Variants in NDST1 observed in about 807,000 individuals in gnomAD.
NDST1 encodes N-deacetylase and N-sulfotransferase 1.
In NDST1, 35 loss-of-function variants were observed where a neutral mutation model predicts 92.8. The observed-to-expected ratio is 0.38, with a 90% CI of 0.29 to 0.50. NDST1 has a LOEUF of 0.50. Among genes scored for constraint, NDST1 ranks in the 20% least tolerant of loss-of-function variants. The pLI, the probability that NDST1 is intolerant of heterozygous loss-of-function variation, is 0.94. For synonymous variants in NDST1, 493 were observed against 500.3 expected, an observed-to-expected ratio of 0.99 and a Z score of 0.19; for missense variants, 822 against 1,182.7, an observed-to-expected ratio of 0.69 and a Z score of 4.47.
chr5:150,549,638 G>T (rs1009361163), intron 12 of NDST1, 40 bp from the exon 13 acceptor site: 1 of 1,300,358 alleles, frequency 7.7e-7, no homozygotes, highest in Admixed American at 1.7e-5. Context: ...GTTTGCCACC[G>T]AAGTCAAAGC....
chr5:150,556,957 C>A lies in NDST1; in HGVS notation c.*3625C>A, dbSNP rs1214768673. 2 of 152,632 alleles carry A rather than the reference C, an allele frequency of 1.3e-5. No individual in the cohort carries two copies. Among genetic ancestry groups the A allele is most frequent in the Non-Finnish European group, 2.9e-5 (2 of 68,034 alleles). 9.5% of individuals were successfully genotyped at this position (152,632 alleles called of 1,614,324 possible). ...ATGACATTGTTTTTGAGGCCCTAGG[C>A]CTGCTGTCTTTTTGAAGCCCCACAT... On this transcript the variant is annotated 3_prime_UTR_variant, in exon 15 of 15. Transcript: ENST00000261797.
At position 150,521,745 on chromosome 5, in the gene NDST1, T is replaced by C; in HGVS notation, c.491T>C (p.Val164Ala). ...LLDKYCVAYG[V>A]GIIGFFKANE... ...GACAAGTACTGTGTGGCCTACGGCG[T>C]GGGCATCATTGGCTTCTTCAAGGTA... The change falls in exon 2 of 15, where the codon GTG becomes GCG. Residue 164 changes from valine (V) to alanine (A), a missense_variant. Val to Ala is a moderately conservative substitution (Grantham distance 64). Coordinates refer to ENST00000261797, the MANE Select transcript of NDST1 (RefSeq NM_001543.5). This position sits in a 1 kb window ranked among gnomAD's most constrained non-coding sequence, Gnocchi z 5.9. The C allele has an allele frequency of 6.2e-7, 1 of 1,613,730 alleles. No individual in the cohort carries two copies. Among genetic ancestry groups the C allele is most frequent in the Non-Finnish European group, 8.5e-7 (1 of 1,180,020 alleles).
At chr5:150,534,840 G>A (rs1236318529) in intron 4 of NDST1, 27 bp from the exon 5 acceptor site, 6 of 1,614,154 alleles carry the variant, frequency 3.7e-6, no homozygotes, top group African/African-American at 1.3e-5. Flanking sequence ...CCCAGTGGGT[G>A]GTTCTGAGCT....
chr5:150,501,565 G>T (rs151070910), intron 1 of NDST1, among the ~76,000 whole-genome samples: 2 of 152,300 alleles, frequency 1.3e-5, no homozygotes, highest in East Asian at 3.9e-4. Flanking sequence ...TCAGCCTCTA[G>T]CCCCTGGTCT....
intron 5 of NDST1, 64 bp downstream of exon 5, chr5:150,535,085 G>C: frequency 6.4e-7 from 1 of 1,564,568 alleles, no homozygotes; most frequent in South Asian, 1.2e-5. Flanking sequence ...GGTCCAGACT[G>C]CTGGCCTCTT....
intron 2 of NDST1, 64 bp from the exon 3 acceptor site, chr5:150,527,740 C>CTG: frequency 6.2e-7 from 1 of 1,603,516 alleles, no homozygotes; most frequent in Non-Finnish European, 8.5e-7. Flanking sequence ...ATGTGAGAGA[C>CTG]TGTGTCCTTT....
intron 12 of NDST1, among the ~76,000 whole-genome samples, chr5:150,548,968 G>C (rs1269399758): frequency 6.6e-6 from 1 of 152,134 alleles, no homozygotes; most frequent in Non-Finnish European, 1.5e-5. Context: ...AGGAGACTGG[G>C]CGTGGTGATG....
At chr5:150,533,163 GC>G in intron 4 of NDST1, 131 bp downstream of exon 4, 2 of 902,714 alleles carry the variant, frequency 2.2e-6, no homozygotes, top group Non-Finnish European at 3.6e-6. Context: ...TGACCCCTCT[GC>G]CCCCGTGGAG....
At chr5:150,509,379 C>T (rs765813158) in intron 1 of NDST1, among the ~76,000 whole-genome samples, 1 of 152,138 alleles carries the variant, frequency 6.6e-6, no homozygotes, top group Non-Finnish European at 1.5e-5. Flanking sequence ...CTTGGTAGAG[C>T]GCCTGGCACA....
intron 6 of NDST1, among the ~76,000 whole-genome samples, chr5:150,536,568 C>A (rs1031342590): frequency 1.1e-4 from 16 of 145,876 alleles, no homozygotes; most frequent in Non-Finnish European, 1.5e-4. Context: ...CTTTTTTTTT[C>A]TTTCTTTCTT....
chr5:150,527,285 G>A (rs1754516869), intron 2 of NDST1, among the ~76,000 whole-genome samples: 1 of 152,228 alleles, frequency 6.6e-6, no homozygotes, highest in South Asian at 2.1e-4. Context: ...GACTGAATGA[G>A]CAGTTTCTGG....
intron 2 of NDST1, among the ~76,000 whole-genome samples, chr5:150,524,931 A>C (rs1432130363): frequency 1.3e-5 from 2 of 152,240 alleles, no homozygotes; most frequent in Non-Finnish European, 2.9e-5. Context: ...AAGATCTGAC[A>C]GTCAAGCTTG....
intron 1 of NDST1, among the ~76,000 whole-genome samples, chr5:150,502,082 TG>T (rs1238582772): frequency 1.3e-5 from 2 of 152,038 alleles, no homozygotes; most frequent in African/African-American, 4.8e-5. Flanking sequence ...CTCTTGGCCA[TG>T]GGGAGGACTT....
In NDST1 at chr5:150,556,532, A is replaced by G. The variant is rs1451001853; in HGVS notation, c.*3200A>G. ...ACAATGTTTTACCAAACATTTAATT[A>G]TGAATGCCCACTCCCCAGCATCTAG... is the stretch of plus-strand genomic sequence containing the variant. On this transcript the variant is annotated 3_prime_UTR_variant, in exon 15 of 15. Coordinates refer to ENST00000261797, the MANE Select transcript of NDST1 (RefSeq NM_001543.5). 6.6e-6 allele frequency: 1 copy of G among 152,234 alleles called. No individual in the cohort carries two copies. Among genetic ancestry groups the G allele is most frequent in the Non-Finnish European group, 1.5e-5 (1 of 68,044 alleles). 9.4% of individuals were successfully genotyped at this position (152,234 alleles called of 1,614,324 possible).
At position 150,545,424 on chromosome 5, in the gene NDST1, C is replaced by T; in HGVS notation, c.2083C>T (p.Pro695Ser). The T allele has an allele frequency of 1.9e-6, 3 of 1,614,218 alleles. No homozygotes were observed. The highest frequency in any genetic ancestry group is 3.3e-4 in the Middle Eastern group (2 of 6,062). Residue 695 changes from proline to serine, a missense_variant, in exon 11 of 15, where the codon CCC becomes TCC. Physicochemically the swap from Pro to Ser is moderately conservative, Grantham distance 74. Coordinates refer to ENST00000261797, the MANE Select transcript of NDST1 (RefSeq NM_001543.5). ...VAPRRAAALLPKAKVLTILIN... is the reference protein window; with the variant it reads ...VAPRRAAALLSKAKVLTILIN... Reference sequence around the variant, plus strand: ...GCCCCGGCGGGCAGCAGCCCTCTTGCCCAAAGCCAAGGTCCTGACCATCCT... The same window carrying T: ...GCCCCGGCGGGCAGCAGCCCTCTTGTCCAAAGCCAAGGTCCTGACCATCCT...
At chr5:150,535,143 C>T (rs1182686695) in intron 5 of NDST1, 122 bp downstream of exon 5, 6 of 1,432,570 alleles carry the variant, frequency 4.2e-6, no homozygotes, top group Non-Finnish European at 5.7e-6. Flanking sequence ...CACCTCTGGG[C>T]CAGGGCCAAG....
In NDST1 at chr5:150,549,683, G is replaced by A; in HGVS notation, c.2322G>A (p.Leu774=). ...WLSAYHANQI[L]VLDGKLLRTE... Reference sequence around the variant, plus strand: ...TCCCCTTTCTCCCTTTCCAGATTCTGGTCTTGGATGGCAAACTGCTTCGCA... The same window carrying A: ...TCCCCTTTCTCCCTTTCCAGATTCTAGTCTTGGATGGCAAACTGCTTCGCA... Residue 774 remains leucine, a synonymous_variant, in exon 13 of 15, where the codon CTG becomes CTA. Coordinates refer to ENST00000261797, the MANE Select transcript of NDST1 (RefSeq NM_001543.5). 6.2e-7 allele frequency: 1 copy of A among 1,610,850 alleles called. No individual in the cohort carries two copies. Among genetic ancestry groups the A allele is most frequent in the East Asian group, 2.2e-5 (1 of 44,868 alleles).
chr5:150,522,113 G>A (rs1454677437), intron 2 of NDST1, among the ~76,000 whole-genome samples: 9 of 152,174 alleles, frequency 5.9e-5, no homozygotes, highest in Admixed American at 1.3e-4. Context: ...TAGGGAGGGC[G>A]TGTGCACCCA....
intron 4 of NDST1, 40 bp from the exon 5 acceptor site, chr5:150,534,827 T>C: frequency 1.2e-6 from 2 of 1,613,640 alleles, no homozygotes; most frequent in Non-Finnish European, 1.7e-6. Context: ...GAGGGCCTCA[T>C]GGCCCAGTGG....
Sources: allele counts gnomAD v4.1 joint callset (sites outside exome capture counted in the v4.1 genomes callset), GRCh38; gene constraint gnomAD v4.1.1; non-coding constraint Gnocchi (gnomAD v3.1); transcripts MANE v1.5; gene names NCBI Gene and HGNC (gene_info 2026-07-23, HGNC 2026-07-21).